ARHGEF12: variants seen among roughly 807,000 people sequenced by gnomAD.
ARHGEF12 encodes Rho guanine nucleotide exchange factor 12.
ARHGEF12 carries 66 observed loss-of-function variants against 211.2 expected under a neutral mutation model. The ratio of observed to expected loss-of-function variants is 0.31; its 90% CI spans 0.26 to 0.38. ARHGEF12 has a LOEUF of 0.38. Ranked by LOEUF, ARHGEF12 falls within the 10% of genes least tolerant of loss-of-function variation. ARHGEF12 has a pLI of 1.00. For synonymous variants in ARHGEF12, 592 were observed against 638.4 expected, an observed-to-expected ratio of 0.93 and a Z score of 1.09; for missense variants, 1,429 against 1,869.5, an observed-to-expected ratio of 0.76 and a Z score of 4.34.
chr11:120,447,836 C>T, intron 18 of ARHGEF12, 38 bp from the exon 19 acceptor site: 1 of 1,412,272 alleles, frequency 7.1e-7, no homozygotes. Flanking sequence ...ATTAAACTTC[C>T]ATATTTCATT....
At chr11:120,401,398 A>T (rs1430513242) in intron 1 of ARHGEF12, among the ~76,000 whole-genome samples, 1 of 152,232 alleles carries the variant, frequency 6.6e-6, no homozygotes, top group Non-Finnish European at 1.5e-5. Context: ...GCTCTTATGT[A>T]TTGCAGACAA....
intron 6 of ARHGEF12, among the ~76,000 whole-genome samples, chr11:120,424,053 A>G (rs1354937429): frequency 2.6e-5 from 4 of 152,164 alleles, no homozygotes; most frequent in African/African-American, 9.7e-5. Context: ...TTCTATTTGT[A>G]TGAGCCCTTC....
chr11:120,457,393 G>A (rs1190337130), intron 23 of ARHGEF12, 143 bp downstream of exon 23: 1 of 997,816 alleles, frequency 1.0e-6, no homozygotes, highest in East Asian at 2.9e-5. Flanking sequence ...GGGAGGCTGA[G>A]GCAGGAGAAT....
intron 1 of ARHGEF12, among the ~76,000 whole-genome samples, chr11:120,366,621 C>T (rs1460901097): frequency 6.6e-6 from 1 of 152,156 alleles, no homozygotes; most frequent in East Asian, 1.9e-4. Flanking sequence ...ATTAACATGA[C>T]CATGGTCTGT....
At chr11:120,367,353 CTTTTTTTTTTTTTTTTT>C (rs1025919456) in intron 1 of ARHGEF12, among the ~76,000 whole-genome samples, 3 of 59,352 alleles carry the variant, frequency 5.1e-5, no homozygotes, top group African/African-American at 1.5e-4. Flanking sequence ...ATACTTTTTC[CTTTTTTTTTTTTTTTTT>C]TTTTTTTTTT....
At chr11:120,457,936 C>A in intron 24 of ARHGEF12, 144 bp from the exon 25 acceptor site, 2 of 1,173,330 alleles carry the variant, frequency 1.7e-6, no homozygotes, top group Non-Finnish European at 2.4e-6. Flanking sequence ...ATGTATAAAA[C>A]AGCCATTTGT....
At chr11:120,348,115 T>G (rs957061696) in intron 1 of ARHGEF12, among the ~76,000 whole-genome samples, 1 of 152,156 alleles carries the variant, frequency 6.6e-6, no homozygotes, top group Non-Finnish European at 1.5e-5. Context: ...CATTTCAGAG[T>G]CCATGTAGGA....
At chr11:120,480,539 G>A in intron 38 of ARHGEF12, 109 bp downstream of exon 38, 1 of 1,019,416 alleles carries the variant, frequency 9.8e-7, no homozygotes, top group Non-Finnish European at 1.4e-6. Context: ...GTGTGTGTGT[G>A]TTCACACATG....
chr11:120,345,513 C>A (rs1434607558), intron 1 of ARHGEF12, among the ~76,000 whole-genome samples: 1 of 152,048 alleles, frequency 6.6e-6, no homozygotes, highest in African/African-American at 2.4e-5. Context: ...ACCATTCTGG[C>A]TAACACGGTG....
intron 1 of ARHGEF12, among the ~76,000 whole-genome samples, chr11:120,359,204 A>G (rs1007572026): frequency 6.6e-6 from 1 of 152,080 alleles, no homozygotes; most frequent in Non-Finnish European, 1.5e-5. Flanking sequence ...ATACAAGGGC[A>G]TGAATACCAA....
At chr11:120,463,940 G>T (rs574476750) in intron 27 of ARHGEF12, 1 of 152,300 alleles carries the variant, frequency 6.6e-6, no homozygotes, top group East Asian at 1.9e-4. Flanking sequence ...CAATGTATTT[G>T]ACTTCTACGA....
chr11:120,459,926 T>G (rs1402029849), intron 26 of ARHGEF12, among the ~76,000 whole-genome samples: 1 of 152,220 alleles, frequency 6.6e-6, no homozygotes, highest in Non-Finnish European at 1.5e-5. Context: ...CAGGCTGGTC[T>G]CAAATTCCTG....
At chr11:120,448,390 C>T in intron 20 of ARHGEF12, 42 bp downstream of exon 20, 1 of 1,483,382 alleles carries the variant, frequency 6.7e-7, no homozygotes. Context: ...GGCCTTAGGG[C>T]TTCTTTACAT....
intron 1 of ARHGEF12, among the ~76,000 whole-genome samples, chr11:120,396,889 A>G (rs1016771453): frequency 6.6e-6 from 1 of 152,214 alleles, no homozygotes; most frequent in African/African-American, 2.4e-5. Flanking sequence ...AACAAATATA[A>G]TGGTTCCCAA....
chr11:120,446,380 C>T, intron 16 of ARHGEF12, 23 bp from the exon 17 acceptor site: 1 of 1,579,402 alleles, frequency 6.3e-7, no homozygotes, highest in Non-Finnish European at 8.7e-7. Context: ...CTTTAGATAA[C>T]ATAATTCCTT....
Position 120,337,084 on chromosome 11 carries a change from C to A in ARHGEF12, c.-160C>A. 1.3e-6 allele frequency: 1 copy of A among 789,694 alleles called. No homozygotes were observed. Among genetic ancestry groups the A allele is most frequent in the East Asian group, 2.6e-5 (1 of 39,198 alleles). The allele number at this position is 789,694 out of a possible 1,614,324, so 48.9% of individuals were successfully genotyped here. On this transcript the variant is annotated 5_prime_UTR_variant, in exon 1 of 41. Transcript: ENST00000397843. ...TTTGCTCCAAGCCGCATCCGTTGAC[C>A]CCTTACAGTCGGATGGTCTAGATGA...
At chr11:120,396,072 C>A (rs534911412) in intron 1 of ARHGEF12, among the ~76,000 whole-genome samples, 1 of 152,088 alleles carries the variant, frequency 6.6e-6, no homozygotes, top group South Asian at 2.1e-4. Context: ...GCAAGTTGAA[C>A]CTAGAGTGCC....
intron 23 of ARHGEF12, 192 bp from the exon 24 acceptor site, chr11:120,457,529 T>A (rs1946398971): frequency 2.2e-6 from 1 of 459,552 alleles, no homozygotes. Flanking sequence ...TAAAACACCA[T>A]TTCAGAACTC....
chr11:120,424,481 T>A, intron 7 of ARHGEF12, 66 bp downstream of exon 7: 1 of 1,383,414 alleles, frequency 7.2e-7, no homozygotes, highest in Non-Finnish European at 1.0e-6. Flanking sequence ...GCAGCAAATT[T>A]CCTGTAATAG....
Sources: gnomAD v4.1 joint callset for allele counts (sites outside exome capture counted in the v4.1 genomes callset) on GRCh38, gnomAD v4.1.1 for gene constraint, MANE v1.5 for transcripts, NCBI Gene and HGNC (gene_info 2026-07-23, HGNC 2026-07-21) for gene names.